MYO3A: variants seen among roughly 807,000 people sequenced by gnomAD.
MYO3A encodes myosin IIIA, also known as myosin-IIIa.
A neutral mutation model predicts 192.7 loss-of-function variants in MYO3A; 180 were observed. The observed-to-expected ratio is 0.93, with a 90% CI of 0.83 to 1.06. The LOEUF (loss-of-function observed/expected upper bound fraction) is 1.06, where lower values mean the gene tolerates loss of function less well. Ranked by LOEUF, MYO3A falls within the 50% of genes least tolerant of loss-of-function variation. The pLI is 0.00. For missense variants in MYO3A, 1,896 were observed against 1,905.0 expected, an observed-to-expected ratio of 1.00 and a Z score of 0.09; for synonymous variants, 628 against 645.3, an observed-to-expected ratio of 0.97 and a Z score of 0.41.
intron 17 of MYO3A, among the ~76,000 whole-genome samples, chr10:26,100,567 C>G (rs1255934241): frequency 2.6e-5 from 4 of 152,202 alleles, no homozygotes; most frequent in Admixed American, 1.3e-4. Context: ...CCTCTACACA[C>G]TGCTTTAAGT....
chr10:26,201,306 G>C lies in MYO3A; in HGVS notation c.4586+1G>C. ...AAAAACGAAGACCAAGGAAAGACAG[G>C]TAATTATTACTTCTGGATTTCAATC... On this transcript the variant is annotated splice_donor_variant, in intron 33 of 34. Coordinates refer to ENST00000642920, the MANE Select transcript of MYO3A (RefSeq NM_017433.5). LOFTEE classifies it high-confidence loss of function. The C allele has an allele frequency of 6.4e-7, 1 of 1,574,302 alleles. No individual in the cohort carries two copies. Among genetic ancestry groups the C allele is most frequent in the African/African-American group, 1.3e-5 (1 of 74,096 alleles).
chr10:26,146,329 A>G (rs1289366783), intron 22 of MYO3A, among the ~76,000 whole-genome samples: 1 of 152,254 alleles, frequency 6.6e-6, no homozygotes, highest in Non-Finnish European at 1.5e-5. Flanking sequence ...AAAATTACAC[A>G]GAACTTAAAG....
intron 20 of MYO3A, among the ~76,000 whole-genome samples, chr10:26,129,779 T>C (rs1445725428): frequency 6.6e-6 from 1 of 152,256 alleles, no homozygotes; most frequent in Non-Finnish European, 1.5e-5. Context: ...CTTTTTGTCT[T>C]TTTAGAGGCT....
chr10:25,962,780 C>T (rs956573250), intron 4 of MYO3A, among the ~76,000 whole-genome samples: 3 of 151,966 alleles, frequency 2.0e-5, no homozygotes, highest in Admixed American at 1.3e-4. Flanking sequence ...ACCGGGAGAC[C>T]GTAAAACAGA....
chr10:25,974,303 G>A (rs1446735841), intron 4 of MYO3A, among the ~76,000 whole-genome samples: 3 of 152,136 alleles, frequency 2.0e-5, no homozygotes, highest in African/African-American at 7.2e-5. Context: ...TTTTTTAAAA[G>A]GTATAAATTC....
chr10:26,043,843 AC>A (rs2131239742), intron 10 of MYO3A, among the ~76,000 whole-genome samples: 1 of 152,346 alleles, frequency 6.6e-6, no homozygotes, highest in South Asian at 2.1e-4. Context: ...GATGCAAGAC[AC>A]AGTCCCCTTT....
At chr10:26,190,016 T>C (rs958220853) in intron 31 of MYO3A, among the ~76,000 whole-genome samples, 8 of 151,870 alleles carry the variant, frequency 5.3e-5, no homozygotes, top group African/African-American at 1.9e-4. Flanking sequence ...TGAGCCAAAA[T>C]TGCACCATTG....
intron 20 of MYO3A, among the ~76,000 whole-genome samples, chr10:26,136,933 G>T (rs1208061650): frequency 6.6e-6 from 1 of 152,058 alleles, no homozygotes; most frequent in Admixed American, 6.6e-5. Context: ...CATGAGAATT[G>T]CTTGAACCCA....
chr10:26,075,687 C>T (rs12774790), intron 14 of MYO3A, among the ~76,000 whole-genome samples: 2 of 140,960 alleles, frequency 1.4e-5, no homozygotes, highest in Non-Finnish European at 1.5e-5. Context: ...ATGTCTCTCT[C>T]ATATATATGA....
intron 32 of MYO3A, among the ~76,000 whole-genome samples, chr10:26,195,939 A>G (rs1843386651): frequency 6.6e-6 from 1 of 152,222 alleles, no homozygotes; most frequent in Non-Finnish European, 1.5e-5. Flanking sequence ...CATAGCAGGC[A>G]TGCAATAAAT....
intron 2 of MYO3A, among the ~76,000 whole-genome samples, chr10:25,948,127 C>T (rs1347791390): frequency 6.6e-6 from 1 of 152,032 alleles, no homozygotes; most frequent in Admixed American, 6.5e-5. Context: ...TGAACCATGT[C>T]AATATCTGGA....
At chr10:25,981,821 G>T (rs531777683) in intron 4 of MYO3A, among the ~76,000 whole-genome samples, 1 of 152,224 alleles carries the variant, frequency 6.6e-6, no homozygotes, top group African/African-American at 2.4e-5. Flanking sequence ...AGACAGAGCA[G>T]CATGTGAAGA....
intron 6 of MYO3A, among the ~76,000 whole-genome samples, chr10:26,004,144 G>C (rs910847384): frequency 2.0e-5 from 3 of 152,168 alleles, no homozygotes; most frequent in African/African-American, 7.2e-5. Context: ...GAAGGTATCT[G>C]CTGGCAGGGA....
At chr10:25,989,113 TA>T (rs1430545284) in intron 4 of MYO3A, among the ~76,000 whole-genome samples, 2 of 151,824 alleles carry the variant, frequency 1.3e-5, no homozygotes, top group African/African-American at 2.4e-5. Context: ...CTAATTTTTA[TA>T]AAAAAATTTT....
intron 27 of MYO3A, 98 bp from the exon 28 acceptor site, chr10:26,168,614 T>G (rs1841882977): frequency 3.9e-6 from 5 of 1,281,728 alleles, no homozygotes; most frequent in Non-Finnish European, 4.4e-6. Flanking sequence ...TTCCAAAATC[T>G]CAAGCAATTT....
intron 7 of MYO3A, among the ~76,000 whole-genome samples, chr10:26,019,081 T>C (rs1842136409): frequency 6.6e-6 from 1 of 152,062 alleles, no homozygotes; most frequent in African/African-American, 2.4e-5. Flanking sequence ...ATCACAATCA[T>C]CACAAACGTT....
intron 4 of MYO3A, among the ~76,000 whole-genome samples, chr10:25,988,730 A>G (rs980932675): frequency 3.9e-5 from 6 of 152,178 alleles, no homozygotes; most frequent in African/African-American, 1.4e-4. Context: ...ATTCAGTAGA[A>G]TACTCAGCAT....
At chr10:25,948,543 T>C (rs970364808) in intron 2 of MYO3A, among the ~76,000 whole-genome samples, 2 of 152,148 alleles carry the variant, frequency 1.3e-5, no homozygotes, top group Non-Finnish European at 2.9e-5. Context: ...TTTAATTTTA[T>C]AGGCTAGAGA....
At chr10:26,010,135 A>C (rs541666368) in intron 6 of MYO3A, among the ~76,000 whole-genome samples, 1 of 152,206 alleles carries the variant, frequency 6.6e-6, no homozygotes, top group African/African-American at 2.4e-5. Flanking sequence ...AAAGAAAGCC[A>C]TATAATTATC....
Sources: allele counts gnomAD v4.1 joint callset (sites outside exome capture counted in the v4.1 genomes callset), GRCh38; gene constraint gnomAD v4.1.1; transcripts MANE v1.5; gene names NCBI Gene and HGNC (gene_info 2026-07-23, HGNC 2026-07-21).